Variants in EIF4H observed in about 807,000 individuals in gnomAD.
EIF4H encodes the protein eukaryotic translation initiation factor 4H, also known as Williams-Beuren syndrome chromosome region 1.
In EIF4H, 8 loss-of-function variants were observed where a neutral mutation model predicts 30.6. The observed-to-expected ratio is 0.26, with a 90% CI of 0.15 to 0.47. EIF4H has a LOEUF of 0.47. EIF4H is among the 20% of genes least tolerant of loss of function. The pLI is 0.99. For missense variants in EIF4H, 188 were observed against 339.5 expected (o/e 0.55, Z 3.51); for synonymous variants, 106 against 122.7 (o/e 0.86, Z 0.90).
chr7:74,177,370 T>G (rs1800864546), intron 1 of EIF4H, among the ~76,000 whole-genome samples: 1 of 152,214 alleles, frequency 6.6e-6, no homozygotes, highest in Non-Finnish European at 1.5e-5. Flanking sequence ...ATGTGCCACT[T>G]TACCCATTTT....
chr7:74,181,863 C>T (rs1184613981), intron 1 of EIF4H, among the ~76,000 whole-genome samples: 1 of 151,966 alleles, frequency 6.6e-6, no homozygotes, highest in Admixed American at 6.6e-5. Flanking sequence ...ATTACAGGCA[C>T]CTGCCACTGT....
At chr7:74,183,199 T>A (rs1166024430) in intron 1 of EIF4H, among the ~76,000 whole-genome samples, 1 of 152,194 alleles carries the variant, frequency 6.6e-6, no homozygotes, top group African/African-American at 2.4e-5. Flanking sequence ...AGGCTGTAAT[T>A]GACTACTTTA....
At chr7:74,193,003 C>T (rs565580835) in intron 5 of EIF4H, among the ~76,000 whole-genome samples, 87 of 152,214 alleles carry the variant, frequency 5.7e-4, no homozygotes, top group Non-Finnish European at 1.1e-3. Context: ...TTAAAGACGC[C>T]TCATTTAATG....
chr7:74,187,540 G>A (rs1554709352), intron 1 of EIF4H, 71 bp from the exon 2 acceptor site: 7 of 1,415,508 alleles, frequency 4.9e-6, no homozygotes, highest in South Asian at 1.8e-5. Flanking sequence ...GTAGCTCAGC[G>A]GAAGACCGCT....
At chr7:74,176,394 C>T (rs1482524880) in intron 1 of EIF4H, among the ~76,000 whole-genome samples, 2 of 152,072 alleles carry the variant, frequency 1.3e-5, no homozygotes, top group African/African-American at 2.4e-5. Flanking sequence ...TTAGCCACCG[C>T]GCCCGGCCTC....
At chr7:74,191,599 A>T (rs868963278) in intron 5 of EIF4H, among the ~76,000 whole-genome samples, 7 of 151,894 alleles carry the variant, frequency 4.6e-5, no homozygotes, top group Middle Eastern at 3.4e-3. Context: ...TTTTAATAGG[A>T]TGGTGCTATT....
At chr7:74,189,649 T>C in intron 2 of EIF4H, 24 bp from the exon 3 acceptor site, 1 of 1,611,832 alleles carries the variant, frequency 6.2e-7, no homozygotes, top group South Asian at 1.1e-5. Flanking sequence ...CTTGAGGAAA[T>C]CGGGGTCTTC....
chr7:74,174,758 T>A (rs1800798646), intron 1 of EIF4H, among the ~76,000 whole-genome samples: 1 of 152,168 alleles, frequency 6.6e-6, no homozygotes, highest in Admixed American at 6.5e-5. Flanking sequence ...TCCAGCCCCA[T>A]CCCCCCTACG....
At chr7:74,195,062 G>A (rs1398666604) in intron 6 of EIF4H, 107 bp from the exon 7 acceptor site, 3 of 1,543,822 alleles carry the variant, frequency 1.9e-6, no homozygotes, top group East Asian at 4.5e-5. Context: ...CAGGCCAGGT[G>A]AATTTTAGAA....
chr7:74,176,366 G>A (rs188795012), intron 1 of EIF4H, among the ~76,000 whole-genome samples: 7 of 151,760 alleles, frequency 4.6e-5, no homozygotes, highest in East Asian at 3.9e-4. Flanking sequence ...GCCTCCCAAA[G>A]TGCTGGGATT....
intron 1 of EIF4H, among the ~76,000 whole-genome samples, chr7:74,181,076 C>T (rs1554708338): frequency 6.6e-6 from 1 of 152,138 alleles, no homozygotes; most frequent in Admixed American, 6.6e-5. Context: ...CATGGAGTAC[C>T]TTCATAGTGT....
In EIF4H at chr7:74,196,318, C is replaced by T. The variant is rs373695868; in HGVS notation, c.*1010C>T. On this transcript the variant is annotated 3_prime_UTR_variant, in exon 7 of 7. Transcript: ENST00000265753. ...ACATAATGAGATACTGTGCTTCCCA[C>T]CTCCCCTTCAGTTCAGAGCCAAAAT... 2 of 152,780 alleles carry T rather than the reference C, an allele frequency of 1.3e-5. No individual in the cohort carries two copies. The highest frequency in any genetic ancestry group is 2.1e-4 in the South Asian group (1 of 4,828). 9.5% of individuals were successfully genotyped at this position (152,780 alleles called of 1,614,324 possible). A position where few individuals can be genotyped will look rare whatever the true frequency, so the allele number is the denominator to read the frequency against.
At chr7:74,182,889 A>G (rs557904912) in intron 1 of EIF4H, among the ~76,000 whole-genome samples, 6 of 152,198 alleles carry the variant, frequency 3.9e-5, no homozygotes, top group African/African-American at 1.4e-4. Context: ...GTGGAGTCCC[A>G]CTTCTGTTGC....
chr7:74,192,383 A>G (rs1399164002), intron 5 of EIF4H, among the ~76,000 whole-genome samples: 1 of 152,128 alleles, frequency 6.6e-6, no homozygotes, highest in Non-Finnish European at 1.5e-5. Context: ...CAGTGCTCTT[A>G]TTGGTCTAAA....
chr7:74,194,531 CT>C (rs1554710415), intron 5 of EIF4H, among the ~76,000 whole-genome samples: 2 of 152,166 alleles, frequency 1.3e-5, no homozygotes, highest in African/African-American at 4.8e-5. Context: ...ATCTTGATTC[CT>C]TTTTCTTTGG....
At chr7:74,181,343 A>T (rs2115946316) in intron 1 of EIF4H, among the ~76,000 whole-genome samples, 1 of 152,312 alleles carries the variant, frequency 6.6e-6, no homozygotes, top group East Asian at 1.9e-4. Context: ...GGTAAATATT[A>T]CATACTTTAG....
At chr7:74,189,629 C>G (rs782030365) in intron 2 of EIF4H, 44 bp from the exon 3 acceptor site, 23 of 1,608,638 alleles carry the variant, frequency 1.4e-5, no homozygotes, top group Non-Finnish European at 2.0e-5. Context: ...ACATCTTTAA[C>G]CCAGAATTAC....
chr7:74,194,938 C>A, intron 6 of EIF4H, 60 bp downstream of exon 6: 1 of 1,546,224 alleles, frequency 6.5e-7, no homozygotes, highest in Non-Finnish European at 8.8e-7. Context: ...ATGGCCGGTT[C>A]ACACCCCGTG....
rs1801322070 is a variant in EIF4H, at chr7:74,195,400, T to C, written c.*92T>C. Reference sequence around the variant, plus strand: ...GCAGCCGTCCTGCAGCCGCCACTCCTGCGCCTGCCATTGGCCTCCTCACAG... The same window carrying C: ...GCAGCCGTCCTGCAGCCGCCACTCCCGCGCCTGCCATTGGCCTCCTCACAG... On this transcript the variant is annotated 3_prime_UTR_variant, in exon 7 of 7. Transcript: ENST00000265753. 5.7e-6 allele frequency: 8 copies of C among 1,408,490 alleles called. No individual in the cohort carries two copies. Among genetic ancestry groups the C allele is most frequent in the Non-Finnish European group, 6.7e-6 (7 of 1,049,346 alleles). The allele number at this position is 1,408,490 out of a possible 1,614,324, so 87.2% of individuals were successfully genotyped here.
Sources: allele counts gnomAD v4.1 joint callset (sites outside exome capture counted in the v4.1 genomes callset), GRCh38; gene constraint gnomAD v4.1.1; transcripts MANE v1.5; gene names NCBI Gene and HGNC (gene_info 2026-07-23, HGNC 2026-07-21).